The following CCDC9 variants were observed in gnomAD, a reference collection of about 807,000 sequenced individuals.
CCDC9 encodes coiled-coil domain containing 9.
In CCDC9, 52 loss-of-function variants were observed where a neutral mutation model predicts 65.6. The ratio of observed to expected loss-of-function variants is 0.79; its 90% confidence interval spans 0.63 to 1.00. The LOEUF (loss-of-function observed/expected upper bound fraction) is 1.00, where lower values mean the gene tolerates loss of function less well. CCDC9 is among the 50% of genes least tolerant of loss of function. CCDC9 has a pLI of 0.00. For missense variants in CCDC9, 834 were observed against 757.2 expected (o/e 1.10, Z -1.19); for synonymous variants, 332 against 280.3 (o/e 1.18, Z -1.84).
intron 8 of CCDC9, 33 bp from the exon 9 acceptor site, chr19:47,270,374 C>T (rs1306690833): frequency 6.2e-7 from 1 of 1,611,644 alleles, no homozygotes; most frequent in African/African-American, 1.3e-5. Context: ...CCTGTTCCCC[C>T]AGCTGCCCGC....
intron 7 of CCDC9, among the ~76,000 whole-genome samples, chr19:47,266,003 T>C (rs917562529): frequency 8.9e-6 from 1 of 112,428 alleles, no homozygotes; most frequent in Non-Finnish European, 1.8e-5. Flanking sequence ...TTTTTTTTTT[T>C]TTTTTTTTTT....
chr19:47,270,540 G>A lies in CCDC9; in HGVS notation c.950-13G>A. ...CACCTTCCCTTCCCAATGACACCTG[G>A]GTTCTGTTGCAGATGACCAGGCCTG... On this transcript the variant is annotated splice_polypyrimidine_tract_variant and intron_variant, in intron 9 of 11. Transcript: ENST00000221922. 6.2e-7 allele frequency: 1 copy of A among 1,614,176 alleles called. No individual in the cohort carries two copies. The highest frequency in any genetic ancestry group is 1.1e-5 in the South Asian group (1 of 91,088).
At chr19:47,272,312 TG>T (rs1227100566), downstream of CCDC9, among the ~76,000 whole-genome samples, 1 of 108,100 alleles carries the variant, frequency 9.3e-6, no homozygotes, top group Non-Finnish European at 1.9e-5. Context: ...CGGATAGGGA[TG>T]GGGGGCTGGA....
chr19:47,260,943 A>G, intron 5 of CCDC9, 104 bp downstream of exon 5: 4 of 1,329,700 alleles, frequency 3.0e-6, no homozygotes, highest in Non-Finnish European at 4.1e-6. Context: ...TCCATCTTTC[A>G]GTATCTCTCT....
At chr19:47,275,052 G>C, downstream of CCDC9, 2 of 1,493,526 alleles carry the variant, frequency 1.3e-6, no homozygotes, top group Non-Finnish European at 1.8e-6. Flanking sequence ...GCTAGCTGCC[G>C]TGCTGCTCGC....
rs2059068394 is a variant in CCDC9, at chr19:47,264,644, T to TGAG, written c.508_510dup (p.Glu170dup). On this transcript the variant is annotated inframe_insertion, in exon 6 of 12. Coordinates refer to ENST00000221922, the MANE Select transcript of CCDC9 (RefSeq NM_015603.3). ...GCAGGCAGAACATTGAGAAGATGAATGAGGAGATGGAGAAGATCGCCGAGT... is the reference window on the plus strand; with the variant it reads ...GCAGGCAGAACATTGAGAAGATGAATGAGGAGGAGATGGAGAAGATCGCCGAGT... The TGAG allele has an allele frequency of 3.1e-6, 5 of 1,604,710 alleles. No homozygotes were observed. Among genetic ancestry groups the TGAG allele is most frequent in the African/African-American group, 1.3e-5 (1 of 74,748 alleles).
chr19:47,265,984 C>CCTTTTTTTTTTT lies in CCDC9; in HGVS notation c.721-627_721-626insCTTTTTTTTTTT, dbSNP rs1568639017. Among the ~76,000 whole-genome samples the CCTTTTTTTTTTT allele has an allele frequency of 2.8e-5, 2 of 72,626 alleles. 1 individual carries two copies. The highest frequency in any genetic ancestry group is 1.6e-4 in the African/African-American group (2 of 12,218). 47.6% of individuals were successfully genotyped at this position (72,626 alleles called of 152,430 possible). On this transcript the variant is annotated intron_variant, in intron 7 of 11. Coordinates refer to ENST00000221922, the MANE Select transcript of CCDC9 (RefSeq NM_015603.3). ...TACAGGCGTGAGCCACCGCTCCTGG[C>CCTTTTTTTTTTT]TTTTTTTTTTTTTTTTTTTTTTTTT...
chr19:47,275,242 A>C, downstream of CCDC9: 1 of 1,536,444 alleles, frequency 6.5e-7, no homozygotes, highest in Non-Finnish European at 8.8e-7. Context: ...CCCCAGCTCC[A>C]GCTGCCGCTG....
At chr19:47,257,165 A>G (rs1307687234) in intron 1 of CCDC9, among the ~76,000 whole-genome samples, 3 of 151,442 alleles carry the variant, frequency 2.0e-5, no homozygotes, top group East Asian at 2.0e-4. Context: ...GAGTTGAGCC[A>G]GAACCCTGGG....
chr19:47,260,738 CGAGGAG>C lies in CCDC9; in HGVS notation c.368_373del (p.Gly123_Gly124del), dbSNP rs769576487. On this transcript the variant is annotated inframe_deletion, in exon 5 of 12. Coordinates refer to ENST00000221922, the MANE Select transcript of CCDC9 (RefSeq NM_015603.3). ...GGAGGGCAGCCCCGGGGAGCAGCCT[CGAGGAG>C]GAGGAGCTGGGGGCCGTGGCCGGAG... 2.1e-5 allele frequency: 34 copies of C among 1,602,226 alleles called. No individual in the cohort carries two copies. The African/African-American group carries it at 3.8e-4, about 18-fold the overall frequency.
In CCDC9 at chr19:47,258,355, C is replaced by A; in HGVS notation, c.-46C>A. On this transcript the variant is annotated 5_prime_UTR_variant, in exon 2 of 12. It adds an upstream start codon to the 5' untranslated region. Transcript: ENST00000221922. ...GAACCCTCAGTGCTGCGTCTAGATT[C>A]TGCAGGGGAGGTTTGCTGGGACCTT... 6.2e-7 allele frequency: 1 copy of A among 1,611,216 alleles called. No individual in the cohort carries two copies. The highest frequency in any genetic ancestry group is 1.1e-5 in the South Asian group (1 of 91,016).
chr19:47,275,235 C>G (rs942056152), downstream of CCDC9: 1 of 1,535,462 alleles, frequency 6.5e-7, no homozygotes, highest in East Asian at 2.6e-5. Flanking sequence ...GCCGCGACCC[C>G]AGCTCCAGCT....
intron 2 of CCDC9, 38 bp from the exon 3 acceptor site, chr19:47,258,521 G>A (rs770295777): frequency 6.2e-7 from 1 of 1,606,176 alleles, no homozygotes; most frequent in Non-Finnish European, 8.5e-7. Context: ...ATGGATGGAG[G>A]TTTTTCCTTC....
In CCDC9 at chr19:47,264,931, TGAGCAC is replaced by T; in HGVS notation, c.710_715del (p.His237_Glu238del). On this transcript the variant is annotated inframe_deletion, in exon 7 of 12. Coordinates refer to ENST00000221922, the MANE Select transcript of CCDC9 (RefSeq NM_015603.3). Reference sequence around the variant, plus strand: ...ACTTCGAGCGGGTGCGCTGTGGCCTTGAGCACGAGCGGCAGGTGGGTGTTGGCAGTG... The same window carrying T: ...ACTTCGAGCGGGTGCGCTGTGGCCTTGAGCGGCAGGTGGGTGTTGGCAGTG... 1.4e-6 allele frequency: 2 copies of T among 1,451,630 alleles called. No homozygotes were observed. Among genetic ancestry groups the T allele is most frequent in the Non-Finnish European group, 1.8e-6 (2 of 1,105,826 alleles). The allele number at this position is 1,451,630 out of a possible 1,614,324, so 89.9% of individuals were successfully genotyped here.
intron 5 of CCDC9, among the ~76,000 whole-genome samples, chr19:47,262,701 C>T (rs1448964618): frequency 2.0e-5 from 3 of 152,132 alleles, no homozygotes; most frequent in African/African-American, 7.2e-5. Context: ...TCAAAGGAGA[C>T]TGGGAAATGA....
In CCDC9 at chr19:47,271,714, TGTGTGTGTGTGTGTGTGTGCGCGCGC is replaced by T. The variant is rs1050592735; in HGVS notation, c.*38_*63del. ...CTGTGTGTGTGTGTGTGTGTGTGTG[TGTGTGTGTGTGTGTGTGTGCGCGCGC>T]GCGCGCGCGCGCGCGCGCGCTAGAG... On this transcript the variant is annotated 3_prime_UTR_variant, in exon 12 of 12. Coordinates refer to ENST00000221922, the MANE Select transcript of CCDC9 (RefSeq NM_015603.3). 29 of 1,378,528 alleles carry T rather than the reference TGTGTGTGTGTGTGTGTGTGCGCGCGC, an allele frequency of 2.1e-5. No individual in the cohort carries two copies. The highest frequency in any genetic ancestry group is 1.5e-4 in the African/African-American group (7 of 47,526). The allele number at this position is 1,378,528 out of a possible 1,614,324, so 85.4% of individuals were successfully genotyped here. A position where few individuals can be genotyped will look rare whatever the true frequency, so the allele number is the denominator to read the frequency against.
Position 47,258,570 on chromosome 19 carries a change from C to G in CCDC9, c.15C>G (p.Leu5=). 6.2e-7 allele frequency: 1 copy of G among 1,613,928 alleles called. No individual in the cohort carries two copies. Among genetic ancestry groups the G allele is most frequent in the Non-Finnish European group, 8.5e-7 (1 of 1,179,902 alleles). The change falls in exon 3 of 12, where the codon CTC becomes CTG. Residue 5 remains leucine, a synonymous_variant. Coordinates refer to ENST00000221922, the MANE Select transcript of CCDC9 (RefSeq NM_015603.3). ...CCTCCCGGTCTCAGGCAGCCACACT[C>G]GATTTGAAATCAAAGGAGGAGAAGG... The part of the protein sequence containing the change: MAAT[L]DLKSKEEKDA...
At chr19:47,264,752 C>T in intron 6 of CCDC9, 21 bp from the exon 7 acceptor site, 1 of 1,605,942 alleles carries the variant, frequency 6.2e-7, no homozygotes, top group Non-Finnish European at 8.5e-7. Context: ...CCGCGCCAAC[C>T]CCCTGCTCTG....
chr19:47,273,418 C>CA, downstream of CCDC9: 1 of 1,231,112 alleles, frequency 8.1e-7, no homozygotes, highest in South Asian at 4.1e-5. Context: ...TGCGTTTCTG[C>CA]AAGGTGGTGG....
Sources: gnomAD v4.1 joint callset for allele counts (sites outside exome capture counted in the v4.1 genomes callset) on GRCh38, gnomAD v4.1.1 for gene constraint, MANE v1.5 for transcripts, NCBI Gene and HGNC (gene_info 2026-07-23, HGNC 2026-07-21) for gene names.